TMEM200A: variants seen among roughly 807,000 people sequenced by gnomAD.
TMEM200A encodes the protein transmembrane protein 200A.
TMEM200A carries 12 observed loss-of-function variants against 24.3 expected under a neutral mutation model. The observed-to-expected ratio is 0.49, with a 90% CI of 0.32 to 0.80. The LOEUF is 0.80. Ranked by LOEUF, TMEM200A falls within the 30% of genes least tolerant of loss-of-function variation. The pLI is 0.04. For synonymous variants in TMEM200A, 224 were observed against 224.4 expected (o/e 1.00, Z 0.02); for missense variants, 545 against 614.4 (o/e 0.89, Z 1.19).
At chr6:130,390,906 A>G (rs1778817962) in intron 2 of TMEM200A, among the ~76,000 whole-genome samples, 1 of 152,198 alleles carries the variant, frequency 6.6e-6, no homozygotes, top group South Asian at 2.1e-4. Context: ...TTTGGACTGA[A>G]TAACTTTTAT....
chr6:130,435,550 G>A (rs1437064152), intron 2 of TMEM200A, among the ~76,000 whole-genome samples: 1 of 152,196 alleles, frequency 6.6e-6, no homozygotes, highest in African/African-American at 2.4e-5. Flanking sequence ...AAAGAGGTCT[G>A]TAGTGGAATA....
At chr6:130,436,264 T>C (rs1225059257) in intron 2 of TMEM200A, among the ~76,000 whole-genome samples, 1 of 152,092 alleles carries the variant, frequency 6.6e-6, no homozygotes, top group Non-Finnish European at 1.5e-5. Flanking sequence ...TGAGAACAAA[T>C]GTTTTTGTAC....
intron 1 of TMEM200A, chr6:130,383,145 G>A: frequency 1.3e-6 from 1 of 788,462 alleles, no homozygotes; most frequent in South Asian, 5.8e-5. Context: ...GGATTCATTA[G>A]TTGTCCGTAG....
At chr6:130,424,504 A>G (rs1263450249) in intron 2 of TMEM200A, among the ~76,000 whole-genome samples, 1 of 152,154 alleles carries the variant, frequency 6.6e-6, no homozygotes, top group Non-Finnish European at 1.5e-5. Flanking sequence ...TTTGGGAAAG[A>G]TTTAGGATAA....
chr6:130,436,630 CCTTTTTTT>C lies in TMEM200A; in HGVS notation c.-16-3776_-16-3769del, dbSNP rs1346572034. Among the ~76,000 whole-genome samples, 44 of 66,780 alleles carry C rather than the reference CCTTTTTTT, an allele frequency of 6.6e-4. 4 individuals carry two copies. The highest frequency in any genetic ancestry group is 1.6e-3 in the Admixed American group (8 of 5,104). The allele number at this position is 66,780 out of a possible 152,430, so 43.8% of individuals were successfully genotyped here. A position where few individuals can be genotyped will look rare whatever the true frequency, so the allele number is the denominator to read the frequency against. ...TTCACTAGGCTTCGTTTTTCTTTAT[CCTTTTTTT>C]TTTTTTTTTTTTTTTTTTTTTTTTC... On this transcript the variant is annotated intron_variant, in intron 2 of 2. Transcript: ENST00000296978.
Position 130,399,281 on chromosome 6 carries a change from G to A in TMEM200A, c.-17+14045G>A, listed in dbSNP as rs142487128. 5.1e-3 allele frequency among the ~76,000 whole-genome samples: 774 copies of A among 152,076 alleles called. 10 individuals carry two copies. Among genetic ancestry groups the A allele is most frequent in the African/African-American group, 0.016 (669 of 41,538 alleles). ...ATTTAAAAAAATTCTTCAGAACTTA[G>A]TATATTTCTTCAACCTGCTAATTCA... is the stretch of plus-strand genomic sequence containing the variant. On this transcript the variant is annotated intron_variant, in intron 2 of 2. Coordinates refer to ENST00000296978, the MANE Select transcript of TMEM200A (RefSeq NM_001258277.2).
intron 2 of TMEM200A, among the ~76,000 whole-genome samples, chr6:130,405,078 G>T (rs7759150): frequency 0.22 from 33,999 of 152,074 alleles, 4,851 homozygotes; most frequent in African/African-American, 0.4. Flanking sequence ...TTTGAAGTCA[G>T]GTAGGGTAGC....
At chr6:130,418,681 G>T (rs1477764049) in intron 2 of TMEM200A, among the ~76,000 whole-genome samples, 1 of 152,102 alleles carries the variant, frequency 6.6e-6, no homozygotes, top group Non-Finnish European at 1.5e-5. Context: ...AAAATCACAG[G>T]CTTTAGAGTC....
At chr6:130,407,559 T>C (rs1056732277) in intron 2 of TMEM200A, among the ~76,000 whole-genome samples, 1 of 152,246 alleles carries the variant, frequency 6.6e-6, no homozygotes, top group Non-Finnish European at 1.5e-5. Context: ...CATTTACTCA[T>C]GTACTTTTAC....
chr6:130,414,781 ATG>A (rs1779411005), intron 2 of TMEM200A, among the ~76,000 whole-genome samples: 2 of 152,210 alleles, frequency 1.3e-5, no homozygotes, highest in South Asian at 4.1e-4. Context: ...GAAGCATACT[ATG>A]TGTCAGGCAC....
intron 2 of TMEM200A, among the ~76,000 whole-genome samples, chr6:130,435,320 C>A (rs935725721): frequency 2.0e-5 from 3 of 152,080 alleles, no homozygotes; most frequent in African/African-American, 4.8e-5. Context: ...TTGACAAAAT[C>A]ATGATCTCTT....
intron 2 of TMEM200A, among the ~76,000 whole-genome samples, chr6:130,417,324 C>G (rs1256994613): frequency 1.3e-5 from 2 of 152,074 alleles, no homozygotes; most frequent in African/African-American, 4.8e-5. Flanking sequence ...ATTATTCTGA[C>G]AATCTGAGTT....
intron 2 of TMEM200A, among the ~76,000 whole-genome samples, chr6:130,401,390 CTT>C (rs765017898): frequency 0.29 from 42,583 of 149,340 alleles, 9,416 homozygotes; most frequent in African/African-American, 0.62. Flanking sequence ...TGCTTGCTTG[CTT>C]CTTTCTTTCT....
In TMEM200A at chr6:130,422,116, G is replaced by A. The variant is rs754917736; in HGVS notation, c.-16-18291G>A. On this transcript the variant is annotated intron_variant, in intron 2 of 2. Transcript: ENST00000296978. ...TCGTATGGTAGTCCTGTTTTTGATT[G>A]TTTGAGGAACCTTCATACTTTTTAA... Among the ~76,000 whole-genome samples the A allele has an allele frequency of 3.9e-5, 6 of 152,104 alleles. No homozygotes were observed. The South Asian group carries it at 6.2e-4, about 16-fold the overall frequency.
chr6:130,413,165 C>T (rs1779370173), intron 2 of TMEM200A, among the ~76,000 whole-genome samples: 2 of 152,218 alleles, frequency 1.3e-5, no homozygotes, highest in African/African-American at 4.8e-5. Context: ...TCATTCTACA[C>T]ATGGAATCTA....
chr6:130,413,551 G>C (rs575220419), intron 2 of TMEM200A, among the ~76,000 whole-genome samples: 2 of 152,186 alleles, frequency 1.3e-5, no homozygotes, highest in Admixed American at 6.5e-5. Flanking sequence ...CTTGATTCTT[G>C]TCCTTTCACC....
At position 130,442,006 on chromosome 6, in the gene TMEM200A, AGT is replaced by A. The variant is rs1306732711; in HGVS notation, c.*111_*112del. The A allele has an allele frequency of 8.6e-7, 1 of 1,165,030 alleles. No individual in the cohort carries two copies. Among genetic ancestry groups the A allele is most frequent in the Non-Finnish European group, 1.2e-6 (1 of 838,842 alleles). The allele number at this position is 1,165,030 out of a possible 1,614,324, so 72.2% of individuals were successfully genotyped here. On this transcript the variant is annotated 3_prime_UTR_variant, in exon 3 of 3. Transcript: ENST00000296978. ...AAGCCTTTTTAATCAAATGGTTTGT[AGT>A]GTATTAGAATTGGCTGCTTAGTTCT...
At chr6:130,423,350 C>T (rs191882539) in intron 2 of TMEM200A, among the ~76,000 whole-genome samples, 11 of 152,258 alleles carry the variant, frequency 7.2e-5, no homozygotes, top group Admixed American at 7.2e-4. Context: ...TCGCTTACCA[C>T]ATTGTCTTTA....
At chr6:130,422,589 T>G (rs373261240) in intron 2 of TMEM200A, among the ~76,000 whole-genome samples, 18 of 152,274 alleles carry the variant, frequency 1.2e-4, no homozygotes, top group African/African-American at 4.3e-4. Flanking sequence ...TTAATGTTGC[T>G]TTTGAACTGT....
Sources: gnomAD v4.1 joint callset for allele counts (sites outside exome capture counted in the v4.1 genomes callset) on GRCh38, gnomAD v4.1.1 for gene constraint, MANE v1.5 for transcripts, NCBI Gene and HGNC (gene_info 2026-07-23, HGNC 2026-07-21) for gene names.